The following KNL1 variants were observed in gnomAD, a reference collection of about 807,000 sequenced individuals.
The protein encoded by KNL1 is outer kinetochore KNL1 complex subunit KNL1.
In KNL1, 66 loss-of-function variants were observed where a neutral mutation model predicts 201.3. The observed-to-expected ratio is 0.33, with a 90% confidence interval of 0.27 to 0.40. KNL1 has a LOEUF of 0.40. KNL1 is among the 10% of genes least tolerant of loss of function. KNL1 has a pLI of 1.00. For synonymous variants in KNL1, 895 were observed against 899.2 expected (o/e 1.00, Z 0.08); for missense variants, 2,815 against 2,690.5 (o/e 1.05, Z -1.02).
intron 17 of KNL1, 146 bp downstream of exon 17, chr15:40,647,220 A>G (rs1595942976): frequency 7.7e-6 from 4 of 520,906 alleles, no homozygotes; most frequent in Middle Eastern, 5.1e-4. Context: ...CACGCCTGTA[A>G]TCCCAGCACT....
At chr15:40,600,102 A>T in intron 1 of KNL1, among the ~76,000 whole-genome samples, 1 of 132,740 alleles carries the variant, frequency 7.5e-6, no homozygotes, top group African/African-American at 2.9e-5. Flanking sequence ...TTGCAATGGA[A>T]TCTCACTTTG....
chr15:40,624,057 T>C lies in KNL1; in HGVS notation c.3793T>C (p.Cys1265Arg), dbSNP rs1434519532. 1 of 1,614,076 alleles carries C rather than the reference T, an allele frequency of 6.2e-7. No individual in the cohort carries two copies. Among genetic ancestry groups the C allele is most frequent in the East Asian group, 2.2e-5 (1 of 44,876 alleles). The change falls in exon 10 of 26, where the codon TGT (cysteine) becomes CGT (arginine). Residue 1265 changes from cysteine (C) to arginine (R), a missense_variant. Transcript: ENST00000399668. ...KVIGKVVDQA[C>R]TLEKAQVESC... The stretch of plus-strand genomic sequence containing the variant: ...CATAGGGAAAGTTGTAGACCAGGCC[T>C]GTACATTGGAAAAAGCGCAAGTTGA...
Position 40,647,060 on chromosome 15 carries a change from C to T in KNL1, c.6080C>T (p.Thr2027Ile). 1 of 1,505,896 alleles carries T rather than the reference C, an allele frequency of 6.6e-7. No individual in the cohort carries two copies. Among genetic ancestry groups the T allele is most frequent in the Non-Finnish European group, 9.2e-7 (1 of 1,083,352 alleles). The allele number at this position is 1,505,896 out of a possible 1,614,324, so 93.3% of individuals were successfully genotyped here. ...CTTAAGAAGATCGATAACTGCCTCACTGAGATGGAAACAGGTAAAGTATTT... is the reference window on the plus strand; with the variant it reads ...CTTAAGAAGATCGATAACTGCCTCATTGAGATGGAAACAGGTAAAGTATTT... Reference protein sequence around the residue: ...KILKKIDNCLTEMETETKNLE... With the variant: ...KILKKIDNCLIEMETETKNLE... The change falls in exon 17 of 26, where the codon ACT (threonine) becomes ATT (isoleucine). Residue 2027 changes from threonine to isoleucine, a missense_variant. By Grantham distance (89) the Thr-to-Ile change is moderately conservative. Around this residue, in one of 3 missense-constraint regions of KNL1, gnomAD observed 334 missense variants for 362.6 expected, o/e 0.92. Coordinates refer to ENST00000399668, the MANE Select transcript of KNL1 (RefSeq NM_144508.5).
intron 25 of KNL1, among the ~76,000 whole-genome samples, chr15:40,661,363 G>C (rs142047225): frequency 0.012 from 1,831 of 151,934 alleles, 35 homozygotes; most frequent in African/African-American, 0.042. Context: ...GTGGTGGCAG[G>C]TGCCTGTAAT....
At chr15:40,638,816 CTT>C (rs1004167044) in intron 13 of KNL1, among the ~76,000 whole-genome samples, 1 of 138,960 alleles carries the variant, frequency 7.2e-6, no homozygotes, top group Non-Finnish European at 1.6e-5. Context: ...TTCTTTCTTT[CTT>C]TTTTTTTTTT....
chr15:40,606,967 C>G (rs1055141103), intron 4 of KNL1, among the ~76,000 whole-genome samples: 9 of 152,232 alleles, frequency 5.9e-5, no homozygotes, highest in Admixed American at 5.9e-4. Flanking sequence ...CCATGTTGCC[C>G]CACGCTGGTC....
At chr15:40,637,777 G>A (rs149032254) in intron 13 of KNL1, among the ~76,000 whole-genome samples, 2 of 152,076 alleles carry the variant, frequency 1.3e-5, no homozygotes, top group African/African-American at 4.8e-5. Context: ...CAGGCTATGA[G>A]TATAAGATAT....
At position 40,663,941 on chromosome 15, in the gene KNL1, A is replaced by C. The variant is rs1893983662; in HGVS notation, c.*1753A>C. 1 of 189,660 alleles carries C rather than the reference A, an allele frequency of 5.3e-6. No homozygotes were observed. The highest frequency in any genetic ancestry group is 1.1e-5 in the Non-Finnish European group (1 of 90,374). The allele number at this position is 189,660 out of a possible 1,614,324, so 11.7% of individuals were successfully genotyped here. ...ACGTCAAAAGACACATAAGCTTCAAAAGTCAAGACAAACCTCATTTGCCAT... is the reference window on the plus strand; with the variant it reads ...ACGTCAAAAGACACATAAGCTTCAACAGTCAAGACAAACCTCATTTGCCAT... On this transcript the variant is annotated 3_prime_UTR_variant, in exon 26 of 26. Transcript: ENST00000399668.
Position 40,621,405 on chromosome 15 carries a change from G to A in KNL1, c.1141G>A (p.Asp381Asn). 6.2e-7 allele frequency: 1 copy of A among 1,612,788 alleles called. No individual in the cohort carries two copies. Among genetic ancestry groups the A allele is most frequent in the Non-Finnish European group, 8.5e-7 (1 of 1,179,420 alleles). ...TCAAGACCTTTCCATAAACTCTGCA[G>A]ACAAAATACATATTACCAGAAGTCA... ...AFQDLSINSA[D>N]KIHITRSHIM... is the part of the protein sequence containing the mutation. The change falls in exon 10 of 26, where the codon GAC becomes AAC. Residue 381 changes from aspartate (D) to asparagine (N), a missense_variant. By Grantham distance (23) the Asp-to-Asn change is conservative. This residue lies in a region of KNL1 where 2,464 missense variants were observed against 2,291.7 expected (regional missense o/e 1.08). Transcript: ENST00000399668.
chr15:40,638,964 A>G (rs1893141090), intron 13 of KNL1, among the ~76,000 whole-genome samples: 1 of 149,618 alleles, frequency 6.7e-6, no homozygotes, highest in Admixed American at 6.7e-5. Context: ...GGCATGCGCC[A>G]CCACACCCGG....
rs1256087608 is a variant in KNL1, at chr15:40,658,937, AAAAAAG to A, written c.6714-391_6714-386del. 4.4e-5 allele frequency among the ~76,000 whole-genome samples: 6 copies of A among 135,154 alleles called. No individual in the cohort carries two copies. In the East Asian group the frequency reaches 1.2e-3, roughly 27 times the overall value. The allele number at this position is 135,154 out of a possible 152,430, so 88.7% of individuals were successfully genotyped here. The stretch of plus-strand genomic sequence containing the variant: ...AGAGCGAGACTCCATCTCAAAAAAA[AAAAAAG>A]AAAAAGAAAAGAAATAATGTATGCC... On this transcript the variant is annotated intron_variant, in intron 24 of 25. Coordinates refer to ENST00000399668, the MANE Select transcript of KNL1 (RefSeq NM_144508.5).
chr15:40,625,844 G>A, intron 10 of KNL1: 1 of 474,832 alleles, frequency 2.1e-6, no homozygotes, highest in Non-Finnish European at 3.7e-6. Flanking sequence ...AATTTAAAGT[G>A]ACAAATAGTC....
At position 40,623,748 on chromosome 15, in the gene KNL1, A is replaced by G. The variant is rs988629408; in HGVS notation, c.3484A>G (p.Ser1162Gly). Residue 1162 changes from serine (S) to glycine (G), a missense_variant, in exon 10 of 26, where the codon AGT becomes GGT. Around this residue, in one of 3 missense-constraint regions of KNL1, gnomAD observed 2,464 missense variants for 2,291.7 expected, o/e 1.08. Coordinates refer to ENST00000399668, the MANE Select transcript of KNL1 (RefSeq NM_144508.5). The stretch of plus-strand genomic sequence containing the variant: ...AACCGTATTGTTCACAGATAATTAC[A>G]GTGATCTGGAAGTCACCGATTCCCA... Reference protein sequence around the residue: ...DKTVLFTDNYSDLEVTDSHTV... With the variant: ...DKTVLFTDNYGDLEVTDSHTV... The G allele has an allele frequency of 6.2e-7, 1 of 1,613,922 alleles. No individual in the cohort carries two copies. Among genetic ancestry groups the G allele is most frequent in the African/African-American group, 1.3e-5 (1 of 74,930 alleles).
rs748682499 is a variant in KNL1, at chr15:40,621,982, A to G, written c.1718A>G (p.Asp573Gly). Residue 573 changes from aspartate to glycine, a missense_variant, in exon 10 of 26, where the codon GAT becomes GGT. Asp to Gly is a moderately conservative substitution (Grantham distance 94). Around this residue, in one of 3 missense-constraint regions of KNL1, gnomAD observed 2,464 missense variants for 2,291.7 expected, o/e 1.08. Coordinates refer to ENST00000399668, the MANE Select transcript of KNL1 (RefSeq NM_144508.5). ...GAACTCTTATCAGGTGAAAATATGG[A>G]TTTGACTGAAAGTCACACAAGTAAC... ...KTELLSGENM[D>G]LTESHTSNLG... is the part of the protein sequence containing the mutation. 53 of 1,613,958 alleles carry G rather than the reference A, an allele frequency of 3.3e-5. No individual in the cohort carries two copies. Among genetic ancestry groups the G allele is most frequent in the Admixed American group, 1.0e-4 (6 of 59,998 alleles).
intron 4 of KNL1, among the ~76,000 whole-genome samples, chr15:40,606,816 A>G (rs906643599): frequency 1.3e-5 from 2 of 152,080 alleles, no homozygotes; most frequent in Non-Finnish European, 2.9e-5. Flanking sequence ...CTGGAGTACA[A>G]TGGTGCGATC....
chr15:40,639,561 G>A (rs1362294926), intron 13 of KNL1, among the ~76,000 whole-genome samples: 1 of 150,456 alleles, frequency 6.6e-6, no homozygotes, highest in African/African-American at 2.4e-5. Context: ...CTCCAGCCTG[G>A]GCAACAAGAG....
At chr15:40,648,888 G>T (rs1288390593) in intron 17 of KNL1, among the ~76,000 whole-genome samples, 13 of 143,896 alleles carry the variant, frequency 9.0e-5, no homozygotes, top group Admixed American at 4.3e-4. Context: ...TGGAGTCAAT[G>T]GCACAATCTC....
intron 7 of KNL1, among the ~76,000 whole-genome samples, chr15:40,614,689 A>G (rs1371647184): frequency 1.3e-5 from 2 of 152,212 alleles, no homozygotes; most frequent in African/African-American, 4.8e-5. Flanking sequence ...TATGTCTTAT[A>G]GCACTTTCTA....
In KNL1 at chr15:40,625,517, T is replaced by G. The variant is rs985999261; in HGVS notation, c.5253T>G (p.Asn1751Lys). Reference sequence around the variant, plus strand: ...AAAAAGAGATTTCACCATATGAAAATAAAATGGGAAAAACTTGCAATAGCC... The same window carrying G: ...AAAAAGAGATTTCACCATATGAAAAGAAAATGGGAAAAACTTGCAATAGCC... ...TYQKEISPYE[N>K]KMGKTCNSQK... Residue 1751 changes from asparagine to lysine, a missense_variant, in exon 10 of 26, where the codon AAT (asparagine) becomes AAG (lysine). Asn to Lys is a moderately conservative substitution (Grantham distance 94). Coordinates refer to ENST00000399668, the MANE Select transcript of KNL1 (RefSeq NM_144508.5). The G allele has an allele frequency of 6.2e-7, 1 of 1,610,692 alleles. No individual in the cohort carries two copies. Among genetic ancestry groups the G allele is most frequent in the Non-Finnish European group, 8.5e-7 (1 of 1,179,290 alleles).
Sources: allele counts gnomAD v4.1 joint callset (sites outside exome capture counted in the v4.1 genomes callset), GRCh38; gene constraint gnomAD v4.1.1; regional missense constraint gnomAD v4.1.1; transcripts MANE v1.5; gene names NCBI Gene and HGNC (gene_info 2026-07-23, HGNC 2026-07-21).